RBFOX3: variants seen among roughly 807,000 people sequenced by gnomAD.
RBFOX3 encodes RNA binding fox-1 homolog 3.
In RBFOX3, 17 loss-of-function variants were observed where a neutral mutation model predicts 48.7. That is an observed-to-expected ratio of 0.35 (90% CI 0.24 to 0.52). The LOEUF (loss-of-function observed/expected upper bound fraction) is 0.52, where lower values mean the gene tolerates loss of function less well. RBFOX3 is among the 20% of genes least tolerant of loss of function. RBFOX3 has a pLI of 0.94. For missense variants in RBFOX3, 382 were observed against 497.5 expected (o/e 0.77, Z 2.21); for synonymous variants, 212 against 209.5 (o/e 1.01, Z -0.10).
intron 4 of RBFOX3, among the ~76,000 whole-genome samples, chr17:79,140,985 G>C (rs1354303953): frequency 2.0e-5 from 3 of 152,198 alleles, no homozygotes; most frequent in African/African-American, 7.2e-5. Context: ...AGGCAGCCCG[G>C]GTGGCTTCGC....
At chr17:79,240,387 A>C (rs1413730050) in intron 3 of RBFOX3, among the ~76,000 whole-genome samples, 1 of 152,222 alleles carries the variant, frequency 6.6e-6, no homozygotes, top group African/African-American at 2.4e-5. Context: ...CCCAAGATAG[A>C]TGCAAGTTAC....
At chr17:79,112,437 G>C (rs573903824) in intron 5 of RBFOX3, among the ~76,000 whole-genome samples, 1 of 152,318 alleles carries the variant, frequency 6.6e-6, no homozygotes, top group East Asian at 1.9e-4. Context: ...AGGAGGAGCA[G>C]GAAGAGGCCT....
Position 79,364,197 on chromosome 17 carries a change from T to G in RBFOX3, c.-174-56373A>C, listed in dbSNP as rs2057397672. On this transcript the variant is annotated intron_variant, in intron 2 of 14. Coordinates refer to ENST00000693108, the MANE Select transcript of RBFOX3 (RefSeq NM_001350451.2). This position sits in a 1 kb window ranked among gnomAD's most constrained non-coding sequence, Gnocchi z 5.1. ...GGAACTGGTGTTCAGCCTTCCTCTC[T>G]GCTCCACCTGCCTGCCCAGAGTAGG... 6.6e-6 allele frequency among the ~76,000 whole-genome samples: 1 copy of G among 152,208 alleles called. No individual in the cohort carries two copies. Among genetic ancestry groups the G allele is most frequent in the Admixed American group, 6.5e-5 (1 of 15,282 alleles).
chr17:79,497,627 C>T (rs1024244843), intron 1 of RBFOX3, among the ~76,000 whole-genome samples: 5 of 152,292 alleles, frequency 3.3e-5, no homozygotes, highest in East Asian at 1.9e-4. Flanking sequence ...GGAGTAAACA[C>T]GAAGCTCTAG....
chr17:79,627,604 A>G, the RBFOX3 span, among the ~76,000 whole-genome samples: 1 of 152,176 alleles, frequency 6.6e-6, no homozygotes, highest in South Asian at 2.1e-4. Flanking sequence ...CTCTCCAAGG[A>G]TCCGAGACCC....
At chr17:79,168,144 C>T (rs1487336900) in intron 4 of RBFOX3, among the ~76,000 whole-genome samples, 1 of 152,176 alleles carries the variant, frequency 6.6e-6, no homozygotes, top group East Asian at 1.9e-4. Flanking sequence ...GACCCTCGTT[C>T]GGGAGGTCCA....
rs1315921025 is a variant in RBFOX3, at chr17:79,503,822, A to G, written c.-319-21224T>C. Among the ~76,000 whole-genome samples, 4 of 152,186 alleles carry G rather than the reference A, an allele frequency of 2.6e-5. No homozygotes were observed. The East Asian group carries it at 7.7e-4, about 29-fold the overall frequency. On this transcript the variant is annotated intron_variant, in intron 1 of 14. Transcript: ENST00000693108. ...AAGCCACAGCTCCTCCACACCAGCC[A>G]CCATCTGAAGGAGGGTGTTTGCCTG... is the stretch of plus-strand genomic sequence containing the variant.
rs1474903517 is a variant in RBFOX3 at position 79,096,677 on chromosome 17, A to G, written c.912T>C (p.Asp304=). ...CPFASRVVYQ[D]GFYGAEIYGG... ...CATAAATCTCAGCACCATAAAATCC[A>G]TCCTGATACACGACCCTGGAAGCAA... is the stretch of plus-strand genomic sequence containing the variant. The change falls in exon 12 of 15, where the codon GAT becomes GAC. Residue 304 remains aspartate (D), a synonymous_variant. Coordinates refer to ENST00000693108, the MANE Select transcript of RBFOX3 (RefSeq NM_001350451.2). 4 of 1,548,458 alleles carry G rather than the reference A, an allele frequency of 2.6e-6. No homozygotes were observed. In the Admixed American group the frequency reaches 7.9e-5, roughly 30 times the overall value.
At chr17:79,581,735 C>T (rs1369311071) in intron 1 of RBFOX3, among the ~76,000 whole-genome samples, 2 of 152,252 alleles carry the variant, frequency 1.3e-5, no homozygotes, top group South Asian at 2.1e-4. Context: ...CCACCTGCTC[C>T]GGACCTGGCA....
In RBFOX3 at chr17:79,429,790, C is replaced by T. The variant is rs531385732; in HGVS notation, c.-175+52664G>A. Among the ~76,000 whole-genome samples the T allele has an allele frequency of 1.4e-3, 214 of 152,274 alleles. 2 individuals carry two copies. Among genetic ancestry groups the T allele is most frequent in the Admixed American group, 7.8e-4 (12 of 15,298 alleles). ...GAGATCCAGGATCTGATGCCAGCTG[C>T]GTTGGGCTCCAGAGCCCAACATCCC... On this transcript the variant is annotated intron_variant, in intron 2 of 14. Coordinates refer to ENST00000693108, the MANE Select transcript of RBFOX3 (RefSeq NM_001350451.2).
intron 2 of RBFOX3, among the ~76,000 whole-genome samples, chr17:79,395,631 C>G (rs2061896381): frequency 1.3e-5 from 2 of 152,200 alleles, no homozygotes. Flanking sequence ...GGGCACTGAT[C>G]CAGGGGCTTC....
rs544886930 is a variant in RBFOX3 at position 79,236,643 on chromosome 17, G to A, written c.-73-838C>T. ...AGAGGCAATCGTTGTATGTTATTGT[G>A]AATCAGGTGCACCTACCAGCAGCAG... is the stretch of plus-strand genomic sequence containing the variant. On this transcript the variant is annotated intron_variant, in intron 3 of 14. Coordinates refer to ENST00000693108, the MANE Select transcript of RBFOX3 (RefSeq NM_001350451.2). Among the ~76,000 whole-genome samples the A allele has an allele frequency of 3.3e-5, 5 of 152,264 alleles. No individual in the cohort carries two copies. The South Asian group carries it at 1.0e-3, about 32-fold the overall frequency.
chr17:79,296,269 C>T (rs2074315407), intron 3 of RBFOX3, among the ~76,000 whole-genome samples: 2 of 151,196 alleles, frequency 1.3e-5, no homozygotes, highest in Non-Finnish European at 2.9e-5. Context: ...TAACCCCCAC[C>T]CCGCAAAAAG....
chr17:79,440,369 G>C (rs1379730696), intron 2 of RBFOX3, among the ~76,000 whole-genome samples: 4 of 152,132 alleles, frequency 2.6e-5, no homozygotes, highest in African/African-American at 9.7e-5. Flanking sequence ...ACAGAGGCAG[G>C]TACCATCCTC....
chr17:79,202,520 G>A (rs75573756), intron 4 of RBFOX3, among the ~76,000 whole-genome samples: 3,163 of 152,282 alleles, frequency 0.021, 107 homozygotes, highest in African/African-American at 0.073. Flanking sequence ...ACCATCTCAC[G>A]AATTCTTACA....
chr17:79,095,832 CCATTCATTCACT>C (rs1599387473), intron 12 of RBFOX3, among the ~76,000 whole-genome samples: 1 of 152,220 alleles, frequency 6.6e-6, no homozygotes. Flanking sequence ...CCTGTCCACT[CCATTCATTCACT>C]CATTCATTCA....
chr17:79,215,594 A>C (rs2058936627), intron 4 of RBFOX3, among the ~76,000 whole-genome samples: 1 of 152,164 alleles, frequency 6.6e-6, no homozygotes, highest in Non-Finnish European at 1.5e-5. Context: ...TGCCCTGGGT[A>C]AGACAGGCAC....
chr17:79,352,281 A>G lies in RBFOX3; in HGVS notation c.-174-44457T>C, dbSNP rs187274795. Among the ~76,000 whole-genome samples the G allele has an allele frequency of 3.3e-5, 5 of 152,192 alleles. No homozygotes were observed. The East Asian group carries it at 9.6e-4, about 29-fold the overall frequency. ...GCTATCTCATGAGTGAGTTCTCATG[A>G]TATCTGGTTGTTTAAAAGTGTGTAG... On this transcript the variant is annotated intron_variant, in intron 2 of 14. Coordinates refer to ENST00000693108, the MANE Select transcript of RBFOX3 (RefSeq NM_001350451.2).
intron 4 of RBFOX3, among the ~76,000 whole-genome samples, chr17:79,130,948 T>G (rs1286179916): frequency 6.6e-6 from 1 of 152,276 alleles, no homozygotes; most frequent in East Asian, 1.9e-4. Flanking sequence ...GCCCCGCACC[T>G]GCAAGGCAGC....
Sources: allele counts gnomAD v4.1 joint callset (sites outside exome capture counted in the v4.1 genomes callset), GRCh38; gene constraint gnomAD v4.1.1; non-coding constraint Gnocchi (gnomAD v3.1); transcripts MANE v1.5; gene names NCBI Gene and HGNC (gene_info 2026-07-23, HGNC 2026-07-21).